Variants in UBE2Q2 observed in about 807,000 individuals in gnomAD.
UBE2Q2 encodes ubiquitin-conjugating enzyme E2 Q2.
Under a neutral mutation model 59.9 loss-of-function variants are expected in UBE2Q2, and 54 were observed. The ratio of observed to expected loss-of-function variants is 0.90; its 90% CI spans 0.72 to 1.13. The LOEUF (loss-of-function observed/expected upper bound fraction) is 1.13. UBE2Q2 is among the 50% of genes most tolerant of loss of function. The pLI, the probability that UBE2Q2 is intolerant of heterozygous loss-of-function variation, is 0.00. For missense variants in UBE2Q2, 433 were observed against 441.9 expected (o/e 0.98, Z 0.18); for synonymous variants, 165 against 155.2 (o/e 1.06, Z -0.47).
At chr15:75,879,855 C>G (rs75634133) in intron 8 of UBE2Q2, among the ~76,000 whole-genome samples, 1 of 151,886 alleles carries the variant, frequency 6.6e-6, no homozygotes, top group Admixed American at 6.6e-5. Context: ...AGTAAAACTG[C>G]CCAAAGAGGA....
At chr15:75,852,438 T>C (rs2141547296) in intron 1 of UBE2Q2, among the ~76,000 whole-genome samples, 1 of 152,346 alleles carries the variant, frequency 6.6e-6, no homozygotes, top group South Asian at 2.1e-4. Context: ...TACTTAGATC[T>C]ACAGTGTATC....
chr15:75,871,632 C>T (rs1897799224), intron 4 of UBE2Q2, among the ~76,000 whole-genome samples: 1 of 152,210 alleles, frequency 6.6e-6, no homozygotes, highest in South Asian at 2.1e-4. Context: ...TTGCACAGCC[C>T]TTAATCCATT....
intron 1 of UBE2Q2, among the ~76,000 whole-genome samples, chr15:75,849,610 A>G (rs1331823589): frequency 2.0e-5 from 3 of 152,228 alleles, no homozygotes; most frequent in Admixed American, 6.5e-5. Context: ...CTCCATTAAG[A>G]CAGTTTTATG....
intron 9 of UBE2Q2, among the ~76,000 whole-genome samples, chr15:75,887,491 C>A (rs976939767): frequency 2.0e-5 from 3 of 151,782 alleles, no homozygotes; most frequent in Admixed American, 6.6e-5. Flanking sequence ...GGGTAGGACT[C>A]ATGTAGAAGA....
Position 75,883,936 on chromosome 15 carries a change from T to TA in UBE2Q2, c.884+513dup, listed in dbSNP as rs1898606968. On this transcript the variant is annotated intron_variant, in intron 9 of 12. Transcript: ENST00000267938. ...CAAATGTAAATTGTGATTGAGGGTT[T>TA]AGAGAATGTTACGATTAGAGAATGG... Among the ~76,000 whole-genome samples the TA allele has an allele frequency of 3.3e-5, 5 of 152,318 alleles. No homozygotes were observed. In the South Asian group the frequency reaches 8.3e-4, roughly 25 times the overall value.
At chr15:75,871,170 T>TA (rs1301416873) in intron 4 of UBE2Q2, among the ~76,000 whole-genome samples, 1 of 152,246 alleles carries the variant, frequency 6.6e-6, no homozygotes, top group African/African-American at 2.4e-5. Flanking sequence ...TGCTTTTAGA[T>TA]ATGCATGCAC....
At chr15:75,891,090 CT>C in intron 11 of UBE2Q2, 76 bp downstream of exon 11, 1 of 1,140,968 alleles carries the variant, frequency 8.8e-7, no homozygotes, top group African/African-American at 1.5e-5. Context: ...CCTGTCTTGA[CT>C]TAATTCTTTT....
Position 75,879,173 on chromosome 15 carries a change from T to A in UBE2Q2, c.810T>A (p.Leu270=). Residue 270 remains leucine (L), a synonymous_variant, in exon 8 of 13, where the codon CTT becomes CTA. Coordinates refer to ENST00000267938, the MANE Select transcript of UBE2Q2 (RefSeq NM_173469.4). Reference sequence around the variant, plus strand: ...AAGAAGGCATAGAATATATTTTGCTTAACTTCTCTTTTAAGGTAAGAAAAT... The same window carrying A: ...AAGAAGGCATAGAATATATTTTGCTAAACTTCTCTTTTAAGGTAAGAAAAT... ...KEKEGIEYIL[L]NFSFKDNFPF... is the part of the protein sequence containing the mutation. 6.3e-7 allele frequency: 1 copy of A among 1,592,696 alleles called. No homozygotes were observed. The highest frequency in any genetic ancestry group is 8.6e-7 in the Non-Finnish European group (1 of 1,168,590).
chr15:75,863,844 G>A (rs993033597), intron 3 of UBE2Q2, among the ~76,000 whole-genome samples: 1 of 152,054 alleles, frequency 6.6e-6, no homozygotes. Flanking sequence ...GTTTCACCAT[G>A]TTGGCCAGGC....
At chr15:75,852,089 C>G (rs1166364996) in intron 1 of UBE2Q2, among the ~76,000 whole-genome samples, 1 of 152,080 alleles carries the variant, frequency 6.6e-6, no homozygotes, top group Non-Finnish European at 1.5e-5. Flanking sequence ...GTTGGCCAGG[C>G]TGGTCTTGAA....
At chr15:75,848,835 TTGTAACAG>T (rs1215066453) in intron 1 of UBE2Q2, among the ~76,000 whole-genome samples, 3 of 152,118 alleles carry the variant, frequency 2.0e-5, no homozygotes, top group African/African-American at 7.2e-5. Flanking sequence ...TCCAGATCCT[TTGTAACAG>T]TGTTATGTGA....
At position 75,879,079 on chromosome 15, in the gene UBE2Q2, T is replaced by A. The variant is rs1567034929; in HGVS notation, c.735-19T>A. 1 of 1,528,224 alleles carries A rather than the reference T, an allele frequency of 6.5e-7. No individual in the cohort carries two copies. The highest frequency in any genetic ancestry group is 2.3e-5 in the Admixed American group (1 of 44,138). The allele number at this position is 1,528,224 out of a possible 1,614,324, so 94.7% of individuals were successfully genotyped here. A position where few individuals can be genotyped will look rare whatever the true frequency, so the allele number is the denominator to read the frequency against. On this transcript the variant is annotated intron_variant, in intron 7 of 12. Coordinates refer to ENST00000267938, the MANE Select transcript of UBE2Q2 (RefSeq NM_173469.4). Reference sequence around the variant, plus strand: ...CTCTAACTTTTTATTTGAACTGTTTTTTGTTTTGTAATTCTTAGGGTTGAC... The same window carrying A: ...CTCTAACTTTTTATTTGAACTGTTTATTGTTTTGTAATTCTTAGGGTTGAC...
At position 75,885,120 on chromosome 15, in the gene UBE2Q2, G is replaced by GT. The variant is rs376756345; in HGVS notation, c.884+1705dup. ...TTCTGTAAGCACTAATAGTAGTGGG[G>GT]TTTTTTTTTATTTGTTTTTTGAGAC... is the stretch of plus-strand genomic sequence containing the variant. On this transcript the variant is annotated intron_variant, in intron 9 of 12. Transcript: ENST00000267938. 7.8e-4 allele frequency among the ~76,000 whole-genome samples: 118 copies of GT among 151,214 alleles called. 1 individual carries two copies. The highest frequency in any genetic ancestry group is 2.1e-3 in the African/African-American group (87 of 41,250).
At chr15:75,844,254 C>T (rs1896195694) in intron 1 of UBE2Q2, 1 of 1,506,472 alleles carries the variant, frequency 6.6e-7, no homozygotes, top group Non-Finnish European at 8.9e-7. Context: ...GCAAGGGGAA[C>T]GGCCCTTAAG....
chr15:75,894,495 A>G (rs1333552985), intron 11 of UBE2Q2, among the ~76,000 whole-genome samples: 1 of 152,080 alleles, frequency 6.6e-6, no homozygotes, highest in Admixed American at 6.5e-5. Flanking sequence ...GAGGTAGGAG[A>G]ATTCCTTGAA....
At position 75,876,198 on chromosome 15, in the gene UBE2Q2, T is replaced by A; in HGVS notation, c.600T>A (p.Ser200=). The change falls in exon 6 of 13, where the codon TCT becomes TCA. Residue 200 remains serine, a synonymous_variant. Coordinates refer to ENST00000267938, the MANE Select transcript of UBE2Q2 (RefSeq NM_173469.4). The stretch of plus-strand genomic sequence containing the variant: ...CTTTTGTGTTTCAGGGTGCAGTGTC[T>A]GGGTCAGTGCAAGCTTCAGATAGAC... The part of the protein sequence containing the change: ...QRQDHLNGAV[S]GSVQASDRLM... 6.2e-7 allele frequency: 1 copy of A among 1,614,014 alleles called. No homozygotes were observed. Among genetic ancestry groups the A allele is most frequent in the Middle Eastern group, 1.7e-4 (1 of 6,058 alleles).
chr15:75,862,569 T>G (rs1019362730), intron 3 of UBE2Q2, among the ~76,000 whole-genome samples: 3 of 150,742 alleles, frequency 2.0e-5, no homozygotes, highest in African/African-American at 7.3e-5. Flanking sequence ...ATAATCTGAG[T>G]GCTTTGGGAG....
chr15:75,868,306 T>G (rs1897609472), intron 3 of UBE2Q2, among the ~76,000 whole-genome samples: 1 of 152,222 alleles, frequency 6.6e-6, no homozygotes, highest in Admixed American at 6.5e-5. Flanking sequence ...ATGAAAGTCC[T>G]TCCTAAAACC....
rs537511192 is a variant in UBE2Q2 at position 75,888,879 on chromosome 15, T to A, written c.885-1556T>A. Among the ~76,000 whole-genome samples, 24 of 152,314 alleles carry A rather than the reference T, an allele frequency of 1.6e-4. No homozygotes were observed. The Middle Eastern group carries it at 0.02, about 130-fold the overall frequency. ...CTGCATCCTCAAAGGAAGAGTGGGG[T>A]ACCTTAAAGGAAAGGTGGTTGTGAC... On this transcript the variant is annotated intron_variant, in intron 9 of 12. Transcript: ENST00000267938.
Sources: gnomAD v4.1 joint callset for allele counts (sites outside exome capture counted in the v4.1 genomes callset) on GRCh38, gnomAD v4.1.1 for gene constraint, MANE v1.5 for transcripts, NCBI Gene and HGNC (gene_info 2026-07-23, HGNC 2026-07-21) for gene names.